The following DENND2B variants were observed in gnomAD, a reference collection of about 807,000 sequenced individuals.
The protein encoded by DENND2B is DENN domain containing 2B.
A neutral mutation model predicts 116.0 loss-of-function variants in DENND2B; 32 were observed. The observed-to-expected ratio is 0.28, with a 90% CI of 0.21 to 0.37. DENND2B has a LOEUF of 0.37. DENND2B is among the 10% of genes least tolerant of loss of function. The pLI, the probability that DENND2B is intolerant of heterozygous loss-of-function variation, is 1.00. For missense variants in DENND2B, 1,276 were observed against 1,477.7 expected, an observed-to-expected ratio of 0.86 and a Z score of 2.24; for synonymous variants, 588 against 583.9, an observed-to-expected ratio of 1.01 and a Z score of -0.10.
chr11:8,778,673 G>A (rs1407475717), intron 1 of DENND2B, among the ~76,000 whole-genome samples: 1 of 152,222 alleles, frequency 6.6e-6, no homozygotes, highest in Non-Finnish European at 1.5e-5. Context: ...CCGGGGGCTG[G>A]GAGGCATGGT....
chr11:8,829,541 G>C (rs1293644143), intron 4 of DENND2B, among the ~76,000 whole-genome samples: 1 of 152,106 alleles, frequency 6.6e-6, no homozygotes, highest in African/African-American at 2.4e-5. Context: ...CCTTCTCTGT[G>C]GTTCTCAAAA....
chr11:8,874,772 T>A (rs1473135842), upstream of DENND2B, among the ~76,000 whole-genome samples: 1 of 151,190 alleles, frequency 6.6e-6, no homozygotes, highest in Non-Finnish European at 1.5e-5. Context: ...AAAAAAAAAA[T>A]TAGCTGAGCA....
chr11:8,735,441 GAAAC>G (rs1416663470), intron 2 of DENND2B, among the ~76,000 whole-genome samples: 3 of 152,224 alleles, frequency 2.0e-5, no homozygotes, highest in Admixed American at 6.5e-5. Flanking sequence ...AGAAATGTGA[GAAAC>G]AATCAACTGT....
chr11:8,787,232 A>G (rs1428656060), intron 1 of DENND2B: 1 of 152,242 alleles, frequency 6.6e-6, no homozygotes. Flanking sequence ...ATAAATCTGA[A>G]GAAACAATGT....
intron 3 of DENND2B, among the ~76,000 whole-genome samples, chr11:8,853,124 G>T (rs1261533957): frequency 6.6e-6 from 1 of 152,204 alleles, no homozygotes; most frequent in Non-Finnish European, 1.5e-5. Flanking sequence ...AGCACTTAGG[G>T]AGGATGAGGC....
Position 8,712,643 on chromosome 11 carries a change from G to C in DENND2B, c.2080C>G (p.Arg694Gly), listed in dbSNP as rs75648256. 2 of 1,584,340 alleles carry C rather than the reference G, an allele frequency of 1.3e-6. No homozygotes were observed. The highest frequency in any genetic ancestry group is 1.7e-6 in the Non-Finnish European group (2 of 1,165,554). ...LELELLEWQE[R>G]ELFEYFVVVS... is the part of the protein sequence containing the mutation. Reference sequence around the variant, plus strand: ...ACCACAAAGTACTCAAAAAGCTCCCGCTCCTGCCACTCCAGCAGCTCCAGC... The same window carrying C: ...ACCACAAAGTACTCAAAAAGCTCCCCCTCCTGCCACTCCAGCAGCTCCAGC... The change falls in exon 9 of 20, where the codon CGG becomes GGG. Residue 694 changes from arginine (R) to glycine (G), a missense_variant. Around this residue, in one of 2 missense-constraint regions of DENND2B, gnomAD observed 420 missense variants for 631.1 expected, o/e 0.67. Transcript: ENST00000313726. The surrounding 1 kb of genome is among the most constrained non-coding windows in gnomAD (Gnocchi z 4.4).
chr11:8,891,117 C>A (rs1343809424), intron 1 of DENND2B, among the ~76,000 whole-genome samples: 1 of 152,134 alleles, frequency 6.6e-6, no homozygotes, highest in Non-Finnish European at 1.5e-5. Context: ...ATTTTCAACC[C>A]AGAATTTCAT....
At chr11:8,714,929 C>T (rs1592598777) in intron 6 of DENND2B, among the ~76,000 whole-genome samples, 1 of 152,170 alleles carries the variant, frequency 6.6e-6, no homozygotes, top group Admixed American at 6.5e-5. Flanking sequence ...TGGTCTCCTG[C>T]CCCAAGACAA....
rs1701174016 is a variant in DENND2B, at chr11:8,712,411, G to A, written c.2172+140C>T. 2.1e-6 allele frequency: 2 copies of A among 968,080 alleles called. No homozygotes were observed. Among genetic ancestry groups the A allele is most frequent in the South Asian group, 3.5e-5 (2 of 56,678 alleles). The allele number at this position is 968,080 out of a possible 1,614,324, so 60.0% of individuals were successfully genotyped here. On this transcript the variant is annotated intron_variant, in intron 9 of 19. Coordinates refer to ENST00000313726, the MANE Select transcript of DENND2B (RefSeq NM_213618.2). This position sits in a 1 kb window ranked among gnomAD's most constrained non-coding sequence, Gnocchi z 4.4. ...TGCAGCCCTGTCTTCCCTCCTGGCT[G>A]AGAGGAGGCAGGTTCAGGGCTGTGG...
At chr11:8,754,574 T>A (rs775522955) in intron 1 of DENND2B, among the ~76,000 whole-genome samples, 35 of 152,354 alleles carry the variant, frequency 2.3e-4, no homozygotes, top group Admixed American at 1.2e-3. Flanking sequence ...CTCCTAGGTA[T>A]CTGTTCAGAA....
intron 2 of DENND2B, among the ~76,000 whole-genome samples, chr11:8,744,708 C>T (rs1040489326): frequency 2.0e-5 from 3 of 152,156 alleles, no homozygotes; most frequent in African/African-American, 7.2e-5. Flanking sequence ...ATAAGAAATA[C>T]ATCAAACCAG....
chr11:8,754,029 G>GCGCGCGCACACACACACA (rs146486674), intron 1 of DENND2B, among the ~76,000 whole-genome samples: 80 of 138,830 alleles, frequency 5.8e-4, no homozygotes, highest in African/African-American at 1.8e-3. Context: ...CCAAAAGCGC[G>GCGCGCGCACACACACACA]CACACACACA....
intron 4 of DENND2B, 36 bp from the exon 5 acceptor site, chr11:8,717,928 G>T: frequency 6.3e-7 from 1 of 1,594,654 alleles, no homozygotes; most frequent in East Asian, 2.2e-5. Flanking sequence ...GGGGGAGAAG[G>T]GAAGAAGGAA....
chr11:8,750,183 A>C (rs1278771261), intron 2 of DENND2B, among the ~76,000 whole-genome samples: 2 of 152,190 alleles, frequency 1.3e-5, no homozygotes, highest in South Asian at 4.1e-4. Context: ...TGATTCCAAA[A>C]TCCACGGTTT....
intron 4 of DENND2B, among the ~76,000 whole-genome samples, chr11:8,838,313 T>A (rs1178358537): frequency 6.6e-6 from 1 of 152,132 alleles, no homozygotes; most frequent in African/African-American, 2.4e-5. Context: ...CAAAAGGAAA[T>A]TCAGACATAC....
At chr11:8,892,589 C>A (rs973502989) in intron 1 of DENND2B, among the ~76,000 whole-genome samples, 3 of 152,162 alleles carry the variant, frequency 2.0e-5, no homozygotes, top group Admixed American at 6.5e-5. Flanking sequence ...CACAGAAATA[C>A]AAACTACCAT....
At chr11:8,900,861 T>A (rs1046156714) in intron 1 of DENND2B, among the ~76,000 whole-genome samples, 3 of 151,980 alleles carry the variant, frequency 2.0e-5, no homozygotes, top group Non-Finnish European at 4.4e-5. Context: ...CCCAGCTACT[T>A]GAGCAGCTGA....
intron 3 of DENND2B, among the ~76,000 whole-genome samples, chr11:8,856,388 G>C (rs2063193638): frequency 6.6e-6 from 1 of 152,188 alleles, no homozygotes; most frequent in African/African-American, 2.4e-5. Context: ...AAAGATTTCT[G>C]GGTATGGAAA....
At chr11:8,834,341 C>T (rs1369223598) in intron 4 of DENND2B, among the ~76,000 whole-genome samples, 6 of 152,210 alleles carry the variant, frequency 3.9e-5, no homozygotes, top group East Asian at 3.8e-4. Flanking sequence ...TTAAATTAGA[C>T]GCTTTCCATC....
Sources: gnomAD v4.1 joint callset for allele counts (sites outside exome capture counted in the v4.1 genomes callset) on GRCh38, gnomAD v4.1.1 for gene constraint, gnomAD v4.1.1 regional missense constraint, Gnocchi (gnomAD v3.1) non-coding constraint, MANE v1.5 for transcripts, NCBI Gene and HGNC (gene_info 2026-07-23, HGNC 2026-07-21) for gene names.